Variants in RYR3 observed in about 807,000 individuals in gnomAD.
The protein encoded by RYR3 is brain ryanodine receptor-calcium release channel.
A neutral mutation model predicts 584.3 loss-of-function variants in RYR3; 207 were observed. The observed-to-expected ratio is 0.35, with a 90% CI of 0.32 to 0.40. RYR3 has a LOEUF of 0.40. Among genes scored for constraint, RYR3 ranks in the 10% least tolerant of loss-of-function variants. The pLI, the probability that RYR3 is intolerant of heterozygous loss-of-function variation, is 1.00. For synonymous variants in RYR3, 2,416 were observed against 2,248.5 expected (o/e 1.07, Z -2.11); for missense variants, 5,616 against 6,089.2 (o/e 0.92, Z 2.59).
At chr15:33,477,017 T>C (rs559067908) in intron 2 of RYR3, among the ~76,000 whole-genome samples, 1 of 152,210 alleles carries the variant, frequency 6.6e-6, no homozygotes, top group Non-Finnish European at 1.5e-5. Context: ...CCTAATTCTC[T>C]ACCATCAAAT....
chr15:33,786,389 A>G (rs980248757), intron 66 of RYR3, among the ~76,000 whole-genome samples: 4 of 152,164 alleles, frequency 2.6e-5, no homozygotes, highest in African/African-American at 7.2e-5. Flanking sequence ...GACCTACACT[A>G]TAAGTTCCTT....
intron 27 of RYR3, among the ~76,000 whole-genome samples, chr15:33,644,073 TC>T (rs946333755): frequency 5.3e-5 from 8 of 152,206 alleles, no homozygotes; most frequent in Non-Finnish European, 7.3e-5. Context: ...TCATCGTTTT[TC>T]CCAAGTCATT....
intron 2 of RYR3, among the ~76,000 whole-genome samples, chr15:33,478,112 G>C (rs1013323921): frequency 1.3e-5 from 2 of 151,798 alleles, no homozygotes; most frequent in East Asian, 3.9e-4. Context: ...GGGGGTTGGG[G>C]GGGGTGGTTT....
chr15:33,467,922 G>A (rs1375472801), intron 1 of RYR3, among the ~76,000 whole-genome samples: 1 of 152,160 alleles, frequency 6.6e-6, no homozygotes, highest in East Asian at 1.9e-4. Flanking sequence ...TTTCAATGTG[G>A]TTTGATCATG....
intron 60 of RYR3, among the ~76,000 whole-genome samples, chr15:33,767,978 A>C (rs146956033): frequency 6.6e-6 from 1 of 152,216 alleles, no homozygotes. Context: ...CTGAACCTTC[A>C]GTGGTTCCAC....
At chr15:33,614,524 T>C (rs893908513) in intron 19 of RYR3, among the ~76,000 whole-genome samples, 1 of 152,178 alleles carries the variant, frequency 6.6e-6, no homozygotes, top group Non-Finnish European at 1.5e-5. Context: ...TTTTTTCTTT[T>C]TTATTACGAA....
chr15:33,671,567 T>C (rs1187580600), intron 38 of RYR3, among the ~76,000 whole-genome samples: 2 of 152,090 alleles, frequency 1.3e-5, no homozygotes, highest in East Asian at 3.9e-4. Flanking sequence ...GAAGAGTGTA[T>C]GGGGGACTTG....
At chr15:33,835,391 C>A (rs2152977032) in intron 87 of RYR3, among the ~76,000 whole-genome samples, 1 of 152,174 alleles carries the variant, frequency 6.6e-6, no homozygotes. Flanking sequence ...CGTCAACTTA[C>A]AAACACTCTA....
chr15:33,570,668 G>A (rs751365601), intron 12 of RYR3, among the ~76,000 whole-genome samples: 6 of 152,096 alleles, frequency 3.9e-5, no homozygotes, highest in Non-Finnish European at 7.4e-5. Flanking sequence ...CTAGAGATCA[G>A]TTTTGGAGGA....
At chr15:33,322,318 G>C (rs558330571) in intron 1 of RYR3, among the ~76,000 whole-genome samples, 3 of 152,190 alleles carry the variant, frequency 2.0e-5, no homozygotes, top group Non-Finnish European at 1.5e-5. Flanking sequence ...GAAAAGCAAA[G>C]CAAGAGCGAG....
rs1210986119 is a variant in RYR3, at chr15:33,550,172, T to C, written c.828T>C (p.Ser276=). ...TTCATCTGCCCAGCTGGAGTGGCAGTAACATCAGATGGGGCCAGGCTTTCC... is the reference window on the plus strand; with the variant it reads ...TTCATCTGCCCAGCTGGAGTGGCAGCAACATCAGATGGGGCCAGGCTTTCC... ...VEPLRISWSG[S]NIRWGQAFRL... Residue 276 remains serine, a synonymous_variant, in exon 10 of 104, where the codon AGT becomes AGC. Transcript: ENST00000634891. The C allele has an allele frequency of 1.9e-6, 3 of 1,612,112 alleles. No homozygotes were observed. Among genetic ancestry groups the C allele is most frequent in the Non-Finnish European group, 2.5e-6 (3 of 1,179,462 alleles).
intron 85 of RYR3, among the ~76,000 whole-genome samples, chr15:33,829,742 ACT>A (rs1293084192): frequency 8.7e-6 from 1 of 115,160 alleles, no homozygotes; most frequent in Non-Finnish European, 1.8e-5. Context: ...ACAGAGCGAG[ACT>A]CTGTCTCAAA....
chr15:33,585,928 G>T, intron 15 of RYR3, 70 bp from the exon 16 acceptor site: 1 of 856,134 alleles, frequency 1.2e-6, no homozygotes, highest in Non-Finnish European at 2.0e-6. Flanking sequence ...TTCATACTCA[G>T]GTTTCTAAAT....
In RYR3 at chr15:33,788,407, G is replaced by A. The variant is rs1358556145; in HGVS notation, c.9779G>A (p.Arg3260Lys). The change falls in exon 67 of 104, where the codon AGA becomes AAA. Residue 3260 changes from arginine (R) to lysine (K), a missense_variant. Arg to Lys is a conservative substitution (Grantham distance 26). This residue lies in a region of RYR3 where 954 missense variants were observed against 1,132.2 expected (regional missense o/e 0.84). Coordinates refer to ENST00000634891, the MANE Select transcript of RYR3 (RefSeq NM_001036.6). ...CTGGACGAGTTCGCGGTCCTCTGCA[G>A]AGATCTCTATGCCTTCTACCCCATG... is the stretch of plus-strand genomic sequence containing the variant. ...LILDEFAVLC[R>K]DLYAFYPMLI... The A allele has an allele frequency of 1.9e-6, 3 of 1,613,990 alleles. No homozygotes were observed. Among genetic ancestry groups the A allele is most frequent in the Non-Finnish European group, 2.5e-6 (3 of 1,179,864 alleles).
chr15:33,690,293 A>T (rs931491382), intron 38 of RYR3, among the ~76,000 whole-genome samples: 4 of 149,344 alleles, frequency 2.7e-5, no homozygotes, highest in African/African-American at 9.8e-5. Flanking sequence ...GACTGTTCTT[A>T]AGCCCAAATT....
intron 1 of RYR3, among the ~76,000 whole-genome samples, chr15:33,436,562 G>A (rs1158554630): frequency 6.8e-6 from 1 of 147,782 alleles, no homozygotes; most frequent in Non-Finnish European, 1.5e-5. Context: ...GTGCAGTGAT[G>A]CAATCTTGGC....
intron 27 of RYR3, among the ~76,000 whole-genome samples, chr15:33,639,154 G>A (rs1595925030): frequency 6.6e-6 from 1 of 152,282 alleles, no homozygotes; most frequent in East Asian, 1.9e-4. Context: ...CTTTGAGAGA[G>A]CCTCTGTATT....
At chr15:33,490,450 A>G (rs2050869623) in intron 2 of RYR3, among the ~76,000 whole-genome samples, 1 of 152,186 alleles carries the variant, frequency 6.6e-6, no homozygotes, top group Admixed American at 6.5e-5. Flanking sequence ...AATAGAACAG[A>G]ATATCATCTC....
At chr15:33,756,730 G>A (rs990627718) in intron 59 of RYR3, among the ~76,000 whole-genome samples, 1 of 152,072 alleles carries the variant, frequency 6.6e-6, no homozygotes, top group African/African-American at 2.4e-5. Flanking sequence ...CTATCCCAAT[G>A]GCTAGAACTT....
Sources: allele counts gnomAD v4.1 joint callset (sites outside exome capture counted in the v4.1 genomes callset), GRCh38; gene constraint gnomAD v4.1.1; regional missense constraint gnomAD v4.1.1; transcripts MANE v1.5; gene names NCBI Gene and HGNC (gene_info 2026-07-23, HGNC 2026-07-21).